The following STX7 variants were observed in gnomAD, a reference collection of about 807,000 sequenced individuals.
STX7 encodes the protein syntaxin 7.
In STX7, 34 loss-of-function variants were observed where a neutral mutation model predicts 39.6. That is an observed-to-expected ratio of 0.86 (90% CI 0.65 to 1.14). The LOEUF is 1.14. Among genes scored for constraint, STX7 ranks in the 50% most tolerant of loss-of-function variants. STX7 has a pLI of 0.00. For synonymous variants in STX7, 119 were observed against 99.1 expected, an observed-to-expected ratio of 1.20 and a Z score of -1.19; for missense variants, 284 against 310.4, an observed-to-expected ratio of 0.92 and a Z score of 0.64.
At chr6:132,481,053 T>G (rs747473596) in intron 2 of STX7, among the ~76,000 whole-genome samples, 4 of 152,186 alleles carry the variant, frequency 2.6e-5, no homozygotes, top group Non-Finnish European at 4.4e-5. Flanking sequence ...AATTTGGCAT[T>G]GGCTACAGGA....
rs889429977 is a variant in STX7, at chr6:132,460,666, T to C, written c.*92A>G. 3.1e-5 allele frequency: 32 copies of C among 1,026,352 alleles called. No homozygotes were observed. Among genetic ancestry groups the C allele is most frequent in the Admixed American group, 1.2e-4 (5 of 41,904 alleles). 63.6% of individuals were successfully genotyped at this position (1,026,352 alleles called of 1,614,324 possible). ...AGTATGGGAACCATCCTTTATACAA[T>C]AGCTTTAAAATAATAATTAAAAAAA... On this transcript the variant is annotated 3_prime_UTR_variant, in exon 10 of 10. Transcript: ENST00000367941.
chr6:132,489,822 C>T (rs988251389), intron 2 of STX7, among the ~76,000 whole-genome samples: 1 of 152,154 alleles, frequency 6.6e-6, no homozygotes, highest in Non-Finnish European at 1.5e-5. Flanking sequence ...TTCCCGGATA[C>T]TTTAAAGGTA....
chr6:132,501,167 C>T (rs112943927), intron 2 of STX7, among the ~76,000 whole-genome samples: 11,937 of 152,128 alleles, frequency 0.078, 493 homozygotes, highest in Non-Finnish European at 0.092. Flanking sequence ...ATTCCCCTGC[C>T]TCTGCCTCCC....
At chr6:132,462,940 G>A (rs148283403) in intron 9 of STX7, among the ~76,000 whole-genome samples, 24 of 152,264 alleles carry the variant, frequency 1.6e-4, no homozygotes, top group South Asian at 8.3e-4. Flanking sequence ...AGTTAACAGC[G>A]GCTGGGCATG....
intron 9 of STX7, among the ~76,000 whole-genome samples, chr6:132,462,621 G>GTGTT (rs1491098854): frequency 1.1e-4 from 15 of 140,238 alleles, no homozygotes; most frequent in African/African-American, 3.9e-4. Context: ...GTGTGTGTGT[G>GTGTT]TTTTCAATTA....
chr6:132,484,113 T>C (rs1207614488), intron 2 of STX7, among the ~76,000 whole-genome samples: 3 of 152,210 alleles, frequency 2.0e-5, no homozygotes, highest in East Asian at 1.9e-4. Flanking sequence ...TCTACGAGAA[T>C]ACAAAGAAAA....
intron 1 of STX7, among the ~76,000 whole-genome samples, chr6:132,506,105 G>A (rs1415387940): frequency 6.6e-6 from 1 of 151,950 alleles, no homozygotes; most frequent in Non-Finnish European, 1.5e-5. Context: ...ACTCAAGATG[G>A]ATTAAAGACT....
intron 2 of STX7, among the ~76,000 whole-genome samples, chr6:132,478,571 C>T (rs1174605665): frequency 6.6e-6 from 1 of 152,176 alleles, no homozygotes; most frequent in Non-Finnish European, 1.5e-5. Context: ...AGAAATGCCA[C>T]CATCAAGGAC....
At chr6:132,505,578 C>A (rs777717154) in intron 1 of STX7, among the ~76,000 whole-genome samples, 1 of 151,936 alleles carries the variant, frequency 6.6e-6, no homozygotes, top group Non-Finnish European at 1.5e-5. Context: ...TAAAGTCAGA[C>A]AGCTGGACCA....
At chr6:132,470,460 A>C (rs1217402444) in intron 6 of STX7, 114 bp downstream of exon 6, 3 of 688,712 alleles carry the variant, frequency 4.4e-6, no homozygotes, top group Non-Finnish European at 6.7e-6. Flanking sequence ...CATATAAACA[A>C]CTTAGGATAT....
chr6:132,470,264 ATTAC>A lies in STX7; in HGVS notation c.441-221_441-218del, dbSNP rs373515976. Among the ~76,000 whole-genome samples the A allele has an allele frequency of 1.7e-3, 262 of 152,274 alleles. 1 individual carries two copies. Among genetic ancestry groups the A allele is most frequent in the African/African-American group, 6.1e-3 (254 of 41,574 alleles). On this transcript the variant is annotated intron_variant, in intron 6 of 9. Coordinates refer to ENST00000367941, the MANE Select transcript of STX7 (RefSeq NM_003569.3). Reference sequence around the variant, plus strand: ...TTTTAGCTAATGTGAGTTTAGAGTTATTACTTAATTATTGGAAGCTGTATCTGTC... The same window carrying A: ...TTTTAGCTAATGTGAGTTTAGAGTTATTAATTATTGGAAGCTGTATCTGTC...
intron 2 of STX7, among the ~76,000 whole-genome samples, chr6:132,487,910 T>A (rs1582668390): frequency 6.6e-6 from 1 of 152,178 alleles, no homozygotes; most frequent in Non-Finnish European, 1.5e-5. Flanking sequence ...ATTTCCACTA[T>A]GATTTGTATT....
rs969005252 is a variant in STX7, at chr6:132,451,002, A to G, written c.*9756T>C. 1.3e-5 allele frequency: 2 copies of G among 151,998 alleles called. No individual in the cohort carries two copies. The highest frequency in any genetic ancestry group is 2.4e-5 in the African/African-American group (1 of 41,436). The allele number at this position is 151,998 out of a possible 1,614,324, so 9.4% of individuals were successfully genotyped here. The stretch of plus-strand genomic sequence containing the variant: ...AACAACTAAAAACTAAACACAAAGG[A>G]AAAAAAGAAAAAGAAAAAAGACAAA... On this transcript the variant is annotated 3_prime_UTR_variant, in exon 10 of 10. Transcript: ENST00000367941.
At chr6:132,490,690 G>C (rs886555718) in intron 2 of STX7, among the ~76,000 whole-genome samples, 1 of 152,130 alleles carries the variant, frequency 6.6e-6, no homozygotes, top group African/African-American at 2.4e-5. Flanking sequence ...CATCAGAAGA[G>C]CTGATCCCAC....
intron 2 of STX7, among the ~76,000 whole-genome samples, chr6:132,497,676 G>A (rs1775450203): frequency 6.6e-6 from 1 of 152,132 alleles, no homozygotes. Context: ...TGTTGTTTGT[G>A]TTTGGGCAAG....
At chr6:132,490,777 G>A (rs1249100367) in intron 2 of STX7, among the ~76,000 whole-genome samples, 1 of 152,118 alleles carries the variant, frequency 6.6e-6, no homozygotes, top group Non-Finnish European at 1.5e-5. Flanking sequence ...AGGAGACACG[G>A]AACAGATTCA....
chr6:132,477,523 T>A (rs1774903876), intron 2 of STX7, among the ~76,000 whole-genome samples: 1 of 152,126 alleles, frequency 6.6e-6, no homozygotes, highest in Non-Finnish European at 1.5e-5. Context: ...GCAAAATACA[T>A]TTTTAATAAA....
At chr6:132,484,454 C>T (rs1045327358) in intron 2 of STX7, among the ~76,000 whole-genome samples, 1 of 152,098 alleles carries the variant, frequency 6.6e-6, no homozygotes. Flanking sequence ...TGTTACCACC[C>T]GTCAGACTTC....
At chr6:132,482,094 C>T (rs1206634892) in intron 2 of STX7, among the ~76,000 whole-genome samples, 4 of 151,902 alleles carry the variant, frequency 2.6e-5, no homozygotes. Context: ...ATGAGTGAAC[C>T]ATAAAAAGAA....
Sources: allele counts gnomAD v4.1 joint callset (sites outside exome capture counted in the v4.1 genomes callset), GRCh38; gene constraint gnomAD v4.1.1; transcripts MANE v1.5; gene names NCBI Gene and HGNC (gene_info 2026-07-23, HGNC 2026-07-21).